DNAI3: variants seen among roughly 807,000 people sequenced by gnomAD.
DNAI3 encodes the protein WD repeat domain 63.
In DNAI3, 83 loss-of-function variants were observed where a neutral mutation model predicts 115.5. That is an observed-to-expected ratio of 0.72 (90% confidence interval 0.60 to 0.86). DNAI3 has a LOEUF of 0.86. DNAI3 is among the 40% of genes least tolerant of loss of function. DNAI3 has a pLI of 0.00. For synonymous variants in DNAI3, 320 were observed against 347.0 expected, an observed-to-expected ratio of 0.92 and a Z score of 0.86; for missense variants, 1,004 against 1,075.8, an observed-to-expected ratio of 0.93 and a Z score of 0.93.
chr1:85,098,923 G>A (rs1287656169), intron 13 of DNAI3, among the ~76,000 whole-genome samples: 1 of 152,108 alleles, frequency 6.6e-6, no homozygotes, highest in African/African-American at 2.4e-5. Flanking sequence ...AGAAGATGAG[G>A]GCTTGATGTG....
chr1:85,132,730 C>T lies in DNAI3; in HGVS notation c.2533-125C>T, dbSNP rs1323305765. 3 of 1,242,644 alleles carry T rather than the reference C, an allele frequency of 2.4e-6. No homozygotes were observed. The African/African-American group carries it at 4.7e-5, about 19-fold the overall frequency. The allele number at this position is 1,242,644 out of a possible 1,614,324, so 77.0% of individuals were successfully genotyped here. A position where few individuals can be genotyped will look rare whatever the true frequency, so the allele number is the denominator to read the frequency against. On this transcript the variant is annotated intron_variant, in intron 22 of 22. Coordinates refer to ENST00000294664, the MANE Select transcript of DNAI3 (RefSeq NM_145172.5). ...CCACCTGCCCTCCTGCCTTCCTGCC[C>T]TCCATCCAGCCCTTTCCAGAAAACA...
In DNAI3 at chr1:85,098,518, A is replaced by T. The variant is rs1655193988; in HGVS notation, c.1351-12A>T. On this transcript the variant is annotated splice_polypyrimidine_tract_variant and intron_variant, in intron 12 of 22. Coordinates refer to ENST00000294664, the MANE Select transcript of DNAI3 (RefSeq NM_145172.5). ...TGAAATTAGCACTTAACTTTCTTTT[A>T]ATATTTTTCAGCCTATGTTTCTCCT... 6.2e-7 allele frequency: 1 copy of T among 1,606,872 alleles called. No homozygotes were observed. Among genetic ancestry groups the T allele is most frequent in the Non-Finnish European group, 8.5e-7 (1 of 1,178,090 alleles).
Position 85,119,705 on chromosome 1 carries a change from C to CT in DNAI3, c.1917+1856dup, listed in dbSNP as rs565679046. Among the ~76,000 whole-genome samples the CT allele has an allele frequency of 6.6e-3, 981 of 148,454 alleles. 9 individuals are homozygous for CT. The highest frequency in any genetic ancestry group is 0.022 in the African/African-American group (909 of 40,602). On this transcript the variant is annotated intron_variant, in intron 17 of 22. Transcript: ENST00000294664. ...TCTGTTTTTTCCTTTTTTCTTTTTT[C>CT]TTTTTTTTTTGAGATGGAATCTCAT... is the stretch of plus-strand genomic sequence containing the variant.
intron 14 of DNAI3, among the ~76,000 whole-genome samples, chr1:85,106,264 T>C (rs1056691798): frequency 1.3e-5 from 2 of 152,174 alleles, no homozygotes; most frequent in Non-Finnish European, 2.9e-5. Flanking sequence ...AATAGATAAA[T>C]TGGACTTCAT....
At chr1:85,115,917 G>A (rs1176707254) in intron 16 of DNAI3, among the ~76,000 whole-genome samples, 1 of 152,164 alleles carries the variant, frequency 6.6e-6, no homozygotes, top group Non-Finnish European at 1.5e-5. Flanking sequence ...CCACGAACCA[G>A]TATCTGTGGC....
Position 85,094,448 on chromosome 1 carries a change from G to T in DNAI3, c.1066G>T (p.Val356Leu), listed in dbSNP as rs902963091. The change falls in exon 10 of 23, where the codon GTA becomes TTA. Residue 356 changes from valine (V) to leucine (L), a missense_variant. By Grantham distance (32) the Val-to-Leu change is conservative. Around this residue, in one of 3 missense-constraint regions of DNAI3, gnomAD observed 550 missense variants for 568.1 expected, o/e 0.97. Coordinates refer to ENST00000294664, the MANE Select transcript of DNAI3 (RefSeq NM_145172.5). ...PTIYGLIAVSVAVRLSFEDRV... is the reference protein window; with the variant it reads ...PTIYGLIAVSLAVRLSFEDRV... ...TCCATCAGGGCTAATAGCTGTGTCGGTAGCCGTGCGACTTTCTTTTGAAGA... is the reference window on the plus strand; with the variant it reads ...TCCATCAGGGCTAATAGCTGTGTCGTTAGCCGTGCGACTTTCTTTTGAAGA... 4 of 1,614,158 alleles carry T rather than the reference G, an allele frequency of 2.5e-6. No homozygotes were observed. The highest frequency in any genetic ancestry group is 3.4e-6 in the Non-Finnish European group (4 of 1,180,022).
At chr1:85,076,064 G>A (rs943992613) in intron 3 of DNAI3, among the ~76,000 whole-genome samples, 9 of 152,142 alleles carry the variant, frequency 5.9e-5, no homozygotes, top group African/African-American at 2.2e-4. Flanking sequence ...AGGTGAATAT[G>A]TTTCCTTGCC....
intron 19 of DNAI3, among the ~76,000 whole-genome samples, chr1:85,125,012 G>A (rs1656092130): frequency 6.6e-6 from 1 of 152,130 alleles, no homozygotes. Context: ...CCTGTCCAGG[G>A]ACATACAGTA....
At position 85,081,358 on chromosome 1, in the gene DNAI3, G is replaced by A; in HGVS notation, c.228G>A (p.Glu76=). 6.2e-7 allele frequency: 1 copy of A among 1,603,652 alleles called. No individual in the cohort carries two copies. The highest frequency in any genetic ancestry group is 8.5e-7 in the Non-Finnish European group (1 of 1,176,664). Residue 76 remains glutamate (E), a synonymous_variant, in exon 4 of 23, where the codon GAG becomes GAA. Coordinates refer to ENST00000294664, the MANE Select transcript of DNAI3 (RefSeq NM_145172.5). ...YKLINKEDIF[E]DLRNRAAVSD... is the part of the protein sequence containing the mutation. ...TTATCAATAAAGAAGACATTTTTGA[G>A]GACCTGCGCAACAGAGCTGCAGTAT...
At chr1:85,078,011 G>A (rs1654513010) in intron 3 of DNAI3, among the ~76,000 whole-genome samples, 3 of 152,240 alleles carry the variant, frequency 2.0e-5, no homozygotes, top group Admixed American at 2.0e-4. Context: ...AGATTCTGAG[G>A]CATGAATTGT....
chr1:85,064,759 G>T (rs1382459206), intron 1 of DNAI3, among the ~76,000 whole-genome samples: 1 of 152,118 alleles, frequency 6.6e-6, no homozygotes, highest in Non-Finnish European at 1.5e-5. Context: ...AAAGCTGGGT[G>T]CAGTGACTCA....
At chr1:85,128,566 C>T (rs1656218405) in intron 20 of DNAI3, 142 bp from the exon 21 acceptor site, 3 of 645,806 alleles carry the variant, frequency 4.6e-6, no homozygotes, top group Non-Finnish European at 8.1e-6. Context: ...CAGCCATGAA[C>T]ATCTGATGAA....
In DNAI3 at chr1:85,090,224, A is replaced by G. The variant is rs893179053; in HGVS notation, c.849A>G (p.Ala283=). The G allele has an allele frequency of 6.5e-7, 1 of 1,545,768 alleles. No homozygotes were observed. Among genetic ancestry groups the G allele is most frequent in the Admixed American group, 2.0e-5 (1 of 49,510 alleles). ...SKPLVDFLNN[A]SISVEIALQQ... ...CTTTGGTTGATTTTCTTAACAATGC[A>G]TCCATAAGGTAAAAAATTGCATATT... The change falls in exon 8 of 23, where the codon GCA becomes GCG. Residue 283 remains alanine, a synonymous_variant. Coordinates refer to ENST00000294664, the MANE Select transcript of DNAI3 (RefSeq NM_145172.5).
chr1:85,125,483 A>G (rs1271614946), intron 19 of DNAI3, among the ~76,000 whole-genome samples: 2 of 151,968 alleles, frequency 1.3e-5, no homozygotes, highest in African/African-American at 4.8e-5. Flanking sequence ...AACTACTTAA[A>G]TGGTCATCAA....
At chr1:85,108,450 A>G (rs552156045) in intron 15 of DNAI3, among the ~76,000 whole-genome samples, 1 of 152,284 alleles carries the variant, frequency 6.6e-6, no homozygotes, top group Admixed American at 6.5e-5. Context: ...TATGATTTAC[A>G]CAGATTTACT....
chr1:85,099,607 A>G (rs1655231554), intron 13 of DNAI3, among the ~76,000 whole-genome samples: 1 of 152,210 alleles, frequency 6.6e-6, no homozygotes, highest in Admixed American at 6.5e-5. Flanking sequence ...GACTTTCTTC[A>G]CAGAATTGGA....
At chr1:85,123,190 C>T (rs553105300) in intron 18 of DNAI3, among the ~76,000 whole-genome samples, 12 of 152,310 alleles carry the variant, frequency 7.9e-5, no homozygotes, top group African/African-American at 1.9e-4. Flanking sequence ...TCTTAGACCA[C>T]GCCACCATCC....
At chr1:85,130,663 TAGATGATA>T (rs1413040685) in intron 22 of DNAI3, among the ~76,000 whole-genome samples, 3 of 144,816 alleles carry the variant, frequency 2.1e-5, no homozygotes, top group African/African-American at 5.1e-5. Context: ...ATAGATTAGA[TAGATGATA>T]GATAGATAGA....
chr1:85,108,605 A>G (rs950772744), intron 15 of DNAI3, among the ~76,000 whole-genome samples: 1 of 152,164 alleles, frequency 6.6e-6, no homozygotes, highest in Admixed American at 6.5e-5. Flanking sequence ...GAGAGCTTCA[A>G]GCTCTCATTA....
Sources: allele counts gnomAD v4.1 joint callset (sites outside exome capture counted in the v4.1 genomes callset), GRCh38; gene constraint gnomAD v4.1.1; regional missense constraint gnomAD v4.1.1; transcripts MANE v1.5; gene names NCBI Gene and HGNC (gene_info 2026-07-23, HGNC 2026-07-21).